The following TSPEAR variants were observed in gnomAD, a reference collection of about 807,000 sequenced individuals.
The protein encoded by TSPEAR is thrombospondin type laminin G domain and EAR repeats.
In TSPEAR, 69 loss-of-function variants were observed where a neutral mutation model predicts 71.6. The observed-to-expected ratio is 0.96, with a 90% CI of 0.79 to 1.18. TSPEAR has a LOEUF of 1.18. Ranked by LOEUF, TSPEAR falls within the 50% of genes most tolerant of loss-of-function variation. The pLI, the probability that TSPEAR is intolerant of heterozygous loss-of-function variation, is 0.00. For synonymous variants in TSPEAR, 402 were observed against 387.2 expected, an observed-to-expected ratio of 1.04 and a Z score of -0.45; for missense variants, 971 against 894.9, an observed-to-expected ratio of 1.09 and a Z score of -1.09.
chr21:44,654,481 A>G, intron 1 of TSPEAR: 1 of 1,613,946 alleles, frequency 6.2e-7, no homozygotes, highest in Non-Finnish European at 8.5e-7. Flanking sequence ...GGGCCGGCAC[A>G]GCAGAGCCAC....
At chr21:44,551,140 G>T (rs478967) in intron 2 of TSPEAR, 328,462 of 1,612,132 alleles carry the variant, frequency 0.2, 32,404 homozygotes, top group East Asian at 0.4. Flanking sequence ...CAGCACACAG[G>T]CTTGCAGCAG....
chr21:44,554,163 G>T (rs1378946646), intron 2 of TSPEAR, among the ~76,000 whole-genome samples: 1 of 152,146 alleles, frequency 6.6e-6, no homozygotes, highest in Non-Finnish European at 1.5e-5. Flanking sequence ...AGGTCAGGAG[G>T]GTGGAGCCCT....
In TSPEAR at chr21:44,677,852, G is replaced by T. The variant is rs192660400; in HGVS notation, c.82+33581C>A. ...CGAAGAGTTTGTCTGAGTAAGGTAT[G>T]GTTTTCTCTACTCTTTCTCGGAAAT... On this transcript the variant is annotated intron_variant, in intron 1 of 11. Coordinates refer to ENST00000323084, the MANE Select transcript of TSPEAR (RefSeq NM_144991.3). 10,282 of 1,322,682 alleles carry T rather than the reference G, an allele frequency of 7.8e-3. 70 individuals carry two copies. Among genetic ancestry groups the T allele is most frequent in the Non-Finnish European group, 8.4e-3 (7,753 of 922,172 alleles). 81.9% of individuals were successfully genotyped at this position (1,322,682 alleles called of 1,614,324 possible).
chr21:44,511,685 C>T (rs1480967467), intron 9 of TSPEAR, among the ~76,000 whole-genome samples: 2 of 152,274 alleles, frequency 1.3e-5, no homozygotes, highest in Non-Finnish European at 1.5e-5. Context: ...CAGCCCTGGG[C>T]GTCCTTCCAG....
chr21:44,664,700 C>A (rs587717555), intron 1 of TSPEAR, among the ~76,000 whole-genome samples: 1 of 152,220 alleles, frequency 6.6e-6, no homozygotes, highest in South Asian at 2.1e-4. Flanking sequence ...ATGGTGTTGG[C>A]AAAAAGATAC....
At chr21:44,688,930 T>C (rs1186317280) in intron 1 of TSPEAR, among the ~76,000 whole-genome samples, 3 of 152,024 alleles carry the variant, frequency 2.0e-5, no homozygotes, top group Non-Finnish European at 4.4e-5. Flanking sequence ...GGCACAGTTC[T>C]CTCATGCTGG....
At chr21:44,670,117 A>G (rs1985985090) in intron 1 of TSPEAR, among the ~76,000 whole-genome samples, 6 of 152,206 alleles carry the variant, frequency 3.9e-5, no homozygotes, top group Admixed American at 6.5e-5. Flanking sequence ...ACAAAGAGAT[A>G]TGACTCAACT....
chr21:44,619,447 T>C (rs932715032), intron 1 of TSPEAR, among the ~76,000 whole-genome samples: 1 of 152,244 alleles, frequency 6.6e-6, no homozygotes, highest in African/African-American at 2.4e-5. Flanking sequence ...GCATGTGCCA[T>C]GCAAAGCAGC....
chr21:44,645,540 G>T (rs1300719050), intron 1 of TSPEAR, among the ~76,000 whole-genome samples: 1 of 151,804 alleles, frequency 6.6e-6, no homozygotes, highest in Admixed American at 6.6e-5. Flanking sequence ...TTTTAGTAGA[G>T]ACCGGGTTTC....
intron 1 of TSPEAR, among the ~76,000 whole-genome samples, chr21:44,594,946 C>T (rs966884714): frequency 2.6e-5 from 4 of 151,808 alleles, no homozygotes; most frequent in African/African-American, 4.8e-5. Context: ...CTCAGCCTCC[C>T]GAGTAGCTGG....
At chr21:44,597,432 C>CTTTCTTT (rs1980437877) in intron 1 of TSPEAR, among the ~76,000 whole-genome samples, 1,600 of 130,094 alleles carry the variant, frequency 0.012, 35 homozygotes, top group African/African-American at 0.049. Context: ...TTCTTTCTTT[C>CTTTCTTT]TTTTCTTTTT....
chr21:44,551,361 G>T lies in TSPEAR; in HGVS notation c.303+16424C>A, dbSNP rs1260806694. On this transcript the variant is annotated intron_variant, in intron 2 of 11. Coordinates refer to ENST00000323084, the MANE Select transcript of TSPEAR (RefSeq NM_144991.3). ...GGGGGCTGGGGCACAGCAGCTGGGGGTGCCGCAGGGGAGCTCACAGCAGCT... is the reference window on the plus strand; with the variant it reads ...GGGGGCTGGGGCACAGCAGCTGGGGTTGCCGCAGGGGAGCTCACAGCAGCT... 41 of 1,613,082 alleles carry T rather than the reference G, an allele frequency of 2.5e-5. No individual in the cohort carries two copies. Among genetic ancestry groups the T allele is most frequent in the Non-Finnish European group, 3.3e-5 (39 of 1,179,984 alleles).
chr21:44,527,659 T>G (rs2052885143), intron 6 of TSPEAR, 141 bp from the exon 7 acceptor site: 3 of 777,334 alleles, frequency 3.9e-6, no homozygotes, highest in Non-Finnish European at 6.3e-6. Context: ...TTTCCACGTT[T>G]CGCTCTCACA....
chr21:44,702,525 C>G, intron 1 of TSPEAR: 4 of 1,608,270 alleles, frequency 2.5e-6, no homozygotes, highest in Non-Finnish European at 3.4e-6. Context: ...GTGTGCCTGT[C>G]TGCTCTGGGG....
intron 1 of TSPEAR, among the ~76,000 whole-genome samples, chr21:44,668,844 G>T (rs1985916322): frequency 6.6e-6 from 1 of 152,164 alleles, no homozygotes; most frequent in African/African-American, 2.4e-5. Flanking sequence ...ACACACAAAA[G>T]ATTATTTTTA....
At chr21:44,518,487 G>A (rs2052656365) in intron 9 of TSPEAR, 4 of 389,022 alleles carry the variant, frequency 1.0e-5, no homozygotes, top group Admixed American at 9.6e-5. Flanking sequence ...CCAACCCACT[G>A]CAGGGATCCT....
At chr21:44,666,973 G>T (rs1364289061) in intron 1 of TSPEAR, 5 of 1,427,640 alleles carry the variant, frequency 3.5e-6, no homozygotes, top group African/African-American at 1.4e-5. Context: ...CTGGGCCCAG[G>T]CATCCCCACA....
chr21:44,626,367 T>C (rs1001535565), intron 1 of TSPEAR, among the ~76,000 whole-genome samples: 4 of 152,162 alleles, frequency 2.6e-5, no homozygotes, highest in African/African-American at 7.2e-5. Flanking sequence ...ATGGGGCCTG[T>C]GGGCAGGGCT....
chr21:44,614,451 C>T (rs782333062), intron 1 of TSPEAR, among the ~76,000 whole-genome samples: 2 of 152,224 alleles, frequency 1.3e-5, no homozygotes, highest in South Asian at 4.1e-4. Context: ...GTCCAAGAAA[C>T]CTCTGCCATT....
Sources: allele counts gnomAD v4.1 joint callset (sites outside exome capture counted in the v4.1 genomes callset), GRCh38; gene constraint gnomAD v4.1.1; transcripts MANE v1.5; gene names NCBI Gene and HGNC (gene_info 2026-07-23, HGNC 2026-07-21).